The following MAPK9 variants were observed in gnomAD, a reference collection of about 807,000 sequenced individuals.
MAPK9 encodes the protein Jun kinase.
A neutral mutation model predicts 57.1 loss-of-function variants in MAPK9; 30 were observed. That is an observed-to-expected ratio of 0.53 (90% confidence interval 0.39 to 0.71). The LOEUF (loss-of-function observed/expected upper bound fraction) is 0.71, where lower values mean the gene tolerates loss of function less well. MAPK9 is among the 30% of genes least tolerant of loss of function. The probability of loss-of-function intolerance (pLI) is 0.00; values close to 1 mark genes in which losing one functional copy is unlikely to be tolerated. For synonymous variants in MAPK9, 155 were observed against 177.0 expected, an observed-to-expected ratio of 0.88 and a Z score of 0.99; for missense variants, 362 against 521.0, an observed-to-expected ratio of 0.69 and a Z score of 2.97.
intron 10 of MAPK9, among the ~76,000 whole-genome samples, chr5:180,239,446 C>A (rs35886948): frequency 0.012 from 1,891 of 152,318 alleles, 34 homozygotes; most frequent in African/African-American, 0.043. Flanking sequence ...TCAGTTACTA[C>A]TGATCCTGCT....
chr5:180,261,621 T>G (rs1759977054), intron 5 of MAPK9, 63 bp downstream of exon 5: 4 of 1,397,342 alleles, frequency 2.9e-6, no homozygotes, highest in Non-Finnish European at 2.9e-6. Flanking sequence ...TTATTTTGTA[T>G]GTAAAGGATT....
intron 5 of MAPK9, among the ~76,000 whole-genome samples, chr5:180,260,655 TTGTC>T (rs1275784693): frequency 6.6e-6 from 1 of 152,244 alleles, no homozygotes; most frequent in Non-Finnish European, 1.5e-5. Flanking sequence ...ATACAAAATT[TTGTC>T]TGTATGTCTA....
chr5:180,247,805 C>G lies in MAPK9; in HGVS notation c.617-295G>C, dbSNP rs369651342. Reference sequence around the variant, plus strand: ...GAACACAAAGCTTTTCAGGGCCACACGCCCACCCCAGCCTCCATGGCCAAG... The same window carrying G: ...GAACACAAAGCTTTTCAGGGCCACAGGCCCACCCCAGCCTCCATGGCCAAG... On this transcript the variant is annotated intron_variant, in intron 6 of 11. Transcript: ENST00000452135. This position sits in a 1 kb window ranked among gnomAD's most constrained non-coding sequence, Gnocchi z 4.5. 29 of 1,571,916 alleles carry G rather than the reference C, an allele frequency of 1.8e-5. No individual in the cohort carries two copies. The highest frequency in any genetic ancestry group is 5.0e-5 in the Admixed American group (3 of 59,846).
rs1757522851 is a variant in MAPK9, at chr5:180,240,071, C to T, written c.997-84G>A. On this transcript the variant is annotated intron_variant, in intron 9 of 11. Coordinates refer to ENST00000452135, the MANE Select transcript of MAPK9 (RefSeq NM_002752.5). ...AAAAAAGGTAAAATTGCTTGGAAGACTTCTAGTCTATTTATGATATGGATT... is the reference window on the plus strand; with the variant it reads ...AAAAAAGGTAAAATTGCTTGGAAGATTTCTAGTCTATTTATGATATGGATT... 9.2e-6 allele frequency: 9 copies of T among 979,616 alleles called. No individual in the cohort carries two copies. In the East Asian group the frequency reaches 2.2e-4, roughly 23 times the overall value. The allele number at this position is 979,616 out of a possible 1,614,324, so 60.7% of individuals were successfully genotyped here. A position where few individuals can be genotyped will look rare whatever the true frequency, so the allele number is the denominator to read the frequency against.
At chr5:180,278,417 G>A (rs1762015357) in intron 2 of MAPK9, among the ~76,000 whole-genome samples, 1 of 152,254 alleles carries the variant, frequency 6.6e-6, no homozygotes, top group Non-Finnish European at 1.5e-5. Flanking sequence ...ACAGCTACCT[G>A]TAGGCCGGGC....
At chr5:180,279,155 A>C (rs1198864506) in intron 2 of MAPK9, among the ~76,000 whole-genome samples, 1 of 152,022 alleles carries the variant, frequency 6.6e-6, no homozygotes, top group African/African-American at 2.4e-5. Context: ...ACGGGGTTTC[A>C]CCATGTTGGC....
At chr5:180,244,911 A>T (rs1757966527) in intron 7 of MAPK9, among the ~76,000 whole-genome samples, 1 of 152,130 alleles carries the variant, frequency 6.6e-6, no homozygotes, top group Non-Finnish European at 1.5e-5. Context: ...TGTGCCCATC[A>T]TGGCTGCCAG....
chr5:180,272,803 T>C (rs1329270828), intron 2 of MAPK9, among the ~76,000 whole-genome samples: 1 of 152,230 alleles, frequency 6.6e-6, no homozygotes, highest in Non-Finnish European at 1.5e-5. Context: ...TCATCACCAT[T>C]CCTGTACGCA....
chr5:180,265,605 C>T lies in MAPK9; in HGVS notation c.253-766G>A, dbSNP rs1476425431. Reference sequence around the variant, plus strand: ...GTTTCCTGAGGTCTCCCACATCATGCGCAACTATGAGTTATTTAAACCGCT... The same window carrying T: ...GTTTCCTGAGGTCTCCCACATCATGTGCAACTATGAGTTATTTAAACCGCT... On this transcript the variant is annotated intron_variant, in intron 3 of 11. Transcript: ENST00000452135. 3.9e-5 allele frequency among the ~76,000 whole-genome samples: 6 copies of T among 152,326 alleles called. No individual in the cohort carries two copies. In the East Asian group the frequency reaches 5.8e-4, roughly 15 times the overall value.
At chr5:180,261,381 T>G (rs1759937841) in intron 5 of MAPK9, among the ~76,000 whole-genome samples, 1 of 152,262 alleles carries the variant, frequency 6.6e-6, no homozygotes, top group African/African-American at 2.4e-5. Flanking sequence ...CTCTGTCCTA[T>G]TCTTGAAATT....
At position 180,291,829 on chromosome 5, in the gene MAPK9, G is replaced by C. The variant is rs918684607; in HGVS notation, c.-48+19C>G. The C allele has an allele frequency of 6.8e-6, 1 of 147,740 alleles. No individual in the cohort carries two copies. The highest frequency in any genetic ancestry group is 1.5e-5 in the Non-Finnish European group (1 of 66,040). The allele number at this position is 147,740 out of a possible 1,614,324, so 9.2% of individuals were successfully genotyped here. A position where few individuals can be genotyped will look rare whatever the true frequency, so the allele number is the denominator to read the frequency against. On this transcript the variant is annotated intron_variant, in intron 1 of 11. Transcript: ENST00000452135. The stretch of plus-strand genomic sequence containing the variant: ...GCCCGAGCAGCCGCCGCCAGGCCTA[G>C]CCCGCCCGCCGGGCTCACCTCGCCT...
rs1182296029 is a variant in MAPK9, at chr5:180,235,543, TAAAG to T, written c.*837_*840del. 6.6e-6 allele frequency: 1 copy of T among 152,164 alleles called. No individual in the cohort carries two copies. The highest frequency in any genetic ancestry group is 1.5e-5 in the Non-Finnish European group (1 of 68,022). The allele number at this position is 152,164 out of a possible 1,614,324, so 9.4% of individuals were successfully genotyped here. ...TTAAGATGGAGTGTTACGCACCTAATAAAGAAGGTGAAGTTCTAGGTAGCATTTT... is the reference window on the plus strand; with the variant it reads ...TTAAGATGGAGTGTTACGCACCTAATAAGGTGAAGTTCTAGGTAGCATTTT... On this transcript the variant is annotated 3_prime_UTR_variant, in exon 12 of 12. Transcript: ENST00000452135.
chr5:180,277,371 G>A (rs915058155), intron 2 of MAPK9, among the ~76,000 whole-genome samples: 2 of 152,196 alleles, frequency 1.3e-5, no homozygotes, highest in African/African-American at 2.4e-5. Context: ...GAGGCTTCCT[G>A]TATTGCTTGG....
At chr5:180,267,483 A>AC (rs1189064829) in intron 3 of MAPK9, among the ~76,000 whole-genome samples, 3 of 150,810 alleles carry the variant, frequency 2.0e-5, no homozygotes, top group South Asian at 4.2e-4. Context: ...AATGGCGTGA[A>AC]CCTGGGAGGC....
intron 9 of MAPK9, 151 bp downstream of exon 9, chr5:180,240,880 A>G (rs1757585774): frequency 2.1e-6 from 2 of 949,112 alleles, no homozygotes; most frequent in Admixed American, 2.8e-5. Flanking sequence ...CAAGCGACCC[A>G]GGTCTCAGAC....
chr5:180,240,894 A>T, intron 9 of MAPK9, 137 bp downstream of exon 9: 1 of 1,098,386 alleles, frequency 9.1e-7, no homozygotes, highest in Non-Finnish European at 1.2e-6. Context: ...CTCAGACAAC[A>T]CTTGGCCTTT....
intron 1 of MAPK9, among the ~76,000 whole-genome samples, chr5:180,291,443 C>A (rs1187713093): frequency 1.3e-5 from 2 of 152,216 alleles, no homozygotes; most frequent in African/African-American, 4.8e-5. Flanking sequence ...TGACAACAAC[C>A]CTGTCCAGAA....
In MAPK9 at chr5:180,254,833, G is replaced by A. The variant is rs541795874; in HGVS notation, c.451-5695C>T. ...GCGGATCACGAGGTCAGGAGATCGA[G>A]ACCATCCTGGGTAACAAGGTGAAAC... On this transcript the variant is annotated intron_variant, in intron 5 of 11. Coordinates refer to ENST00000452135, the MANE Select transcript of MAPK9 (RefSeq NM_002752.5). Among the ~76,000 whole-genome samples the A allele has an allele frequency of 6.6e-5, 10 of 152,272 alleles. No individual in the cohort carries two copies. The East Asian group carries it at 1.9e-3, about 29-fold the overall frequency.
intron 5 of MAPK9, among the ~76,000 whole-genome samples, chr5:180,250,080 T>C (rs897557101): frequency 6.6e-5 from 10 of 152,150 alleles, no homozygotes; most frequent in African/African-American, 2.4e-4. Context: ...TCTCCATCTG[T>C]ACGTGGCACA....
Sources: allele counts gnomAD v4.1 joint callset (sites outside exome capture counted in the v4.1 genomes callset), GRCh38; gene constraint gnomAD v4.1.1; non-coding constraint Gnocchi (gnomAD v3.1); transcripts MANE v1.5; gene names NCBI Gene and HGNC (gene_info 2026-07-23, HGNC 2026-07-21).